The following STK24 variants were observed in gnomAD, a reference collection of about 807,000 sequenced individuals.
STK24 encodes the protein serine/threonine-protein kinase 24.
Under a neutral mutation model 55.6 loss-of-function variants are expected in STK24, and 21 were observed. That is an observed-to-expected ratio of 0.38 (90% CI 0.27 to 0.54). STK24 has a LOEUF of 0.54. STK24 is among the 20% of genes least tolerant of loss of function. The pLI is 0.79. For synonymous variants in STK24, 200 were observed against 215.2 expected, an observed-to-expected ratio of 0.93 and a Z score of 0.62; for missense variants, 383 against 538.4, an observed-to-expected ratio of 0.71 and a Z score of 2.86.
intron 1 of STK24, among the ~76,000 whole-genome samples, chr13:98,556,898 T>C (rs571005896): frequency 1.9e-4 from 29 of 152,246 alleles, no homozygotes; most frequent in African/African-American, 6.3e-4. Context: ...AGACACATGA[T>C]TTGTCTAATA....
intron 1 of STK24, among the ~76,000 whole-genome samples, chr13:98,539,237 G>A (rs1451089743): frequency 6.6e-6 from 1 of 152,130 alleles, no homozygotes; most frequent in Non-Finnish European, 1.5e-5. Flanking sequence ...ATACTATAAT[G>A]CAACTCTTTT....
At chr13:98,501,944 C>T (rs1184844799) in intron 2 of STK24, among the ~76,000 whole-genome samples, 2 of 152,128 alleles carry the variant, frequency 1.3e-5, no homozygotes, top group African/African-American at 4.8e-5. Flanking sequence ...GTGCTGCTGC[C>T]GGAGGTTCTT....
chr13:98,512,380 C>G (rs113937242), intron 2 of STK24, among the ~76,000 whole-genome samples: 2,792 of 152,024 alleles, frequency 0.018, 107 homozygotes, highest in African/African-American at 0.063. Context: ...ATAAATAGAA[C>G]AGAGAGAAAG....
rs1896178297 is a variant in STK24 at position 98,519,314 on chromosome 13, G to C, written c.202C>G (p.Gln68Glu). The change falls in exon 2 of 11, where the codon CAA (glutamine) becomes GAA (glutamate). Residue 68 changes from glutamine (Q) to glutamate (E), a missense_variant. Coordinates refer to ENST00000539966, the MANE Select transcript of STK24 (RefSeq NM_001032296.4). ...EEAEDEIEDI[Q>E]QEITVLSQCD... ...TGACTCAGCACTGTGATTTCTTGTT[G>C]AATGTCCTCTATCTCATCTTCAGCT... is the stretch of plus-strand genomic sequence containing the variant. 6 of 1,614,060 alleles carry C rather than the reference G, an allele frequency of 3.7e-6. No individual in the cohort carries two copies. The highest frequency in any genetic ancestry group is 5.1e-6 in the Non-Finnish European group (6 of 1,180,040).
At chr13:98,550,378 A>C (rs1897130464) in intron 1 of STK24, among the ~76,000 whole-genome samples, 1 of 152,270 alleles carries the variant, frequency 6.6e-6, no homozygotes, top group East Asian at 1.9e-4. Context: ...GTCCCTACAA[A>C]AAATAGTTGG....
intron 2 of STK24, among the ~76,000 whole-genome samples, chr13:98,507,257 C>T (rs373763871): frequency 6.6e-6 from 1 of 152,314 alleles, no homozygotes; most frequent in Non-Finnish European, 1.5e-5. Flanking sequence ...AGAGGACAAC[C>T]GTCAGGTGCA....
At chr13:98,539,753 A>G (rs538877286) in intron 1 of STK24, among the ~76,000 whole-genome samples, 13 of 152,234 alleles carry the variant, frequency 8.5e-5, no homozygotes, top group Non-Finnish European at 1.8e-4. Context: ...TGACGTGGCC[A>G]CTTCAGAAAG....
chr13:98,494,721 G>C (rs535596901), intron 2 of STK24, among the ~76,000 whole-genome samples: 1 of 152,196 alleles, frequency 6.6e-6, no homozygotes, highest in South Asian at 2.1e-4. Flanking sequence ...ATTCCAGAAG[G>C]AACTGTCAGT....
chr13:98,491,769 A>G (rs908334819), intron 2 of STK24, among the ~76,000 whole-genome samples: 14 of 152,178 alleles, frequency 9.2e-5, no homozygotes, highest in African/African-American at 3.4e-4. Flanking sequence ...AGATACATGC[A>G]TAAATAATCA....
At chr13:98,532,189 A>G (rs946766288) in intron 1 of STK24, among the ~76,000 whole-genome samples, 1 of 150,330 alleles carries the variant, frequency 6.7e-6, no homozygotes, top group Non-Finnish European at 1.5e-5. Flanking sequence ...TGCCTGGAAA[A>G]CTCTTTTTAT....
intron 2 of STK24, among the ~76,000 whole-genome samples, chr13:98,503,892 T>C (rs1462844304): frequency 2.0e-5 from 3 of 152,184 alleles, no homozygotes; most frequent in East Asian, 1.9e-4. Flanking sequence ...CCAGAACCAC[T>C]GCAGCTGCCC....
At chr13:98,565,136 T>C (rs1897531936) in intron 1 of STK24, among the ~76,000 whole-genome samples, 1 of 152,154 alleles carries the variant, frequency 6.6e-6, no homozygotes, top group African/African-American at 2.4e-5. Context: ...TGGGGAGCAA[T>C]GAGGATTCAG....
intron 2 of STK24, among the ~76,000 whole-genome samples, chr13:98,503,495 T>TA (rs1017783439): frequency 1.8e-4 from 28 of 152,328 alleles, no homozygotes; most frequent in South Asian, 4.1e-4. Flanking sequence ...TGCCTCACAT[T>TA]AAAGTGGCTG....
intron 7 of STK24, among the ~76,000 whole-genome samples, chr13:98,462,913 T>A (rs911051455): frequency 2.6e-5 from 4 of 152,118 alleles, no homozygotes; most frequent in African/African-American, 9.7e-5. Flanking sequence ...AGTCTCTTTC[T>A]CTTGTCATCC....
rs1893263098 is a variant in STK24, at chr13:98,452,888, C to A, written c.*285G>T. 1 of 337,092 alleles carries A rather than the reference C, an allele frequency of 3.0e-6. No homozygotes were observed. Among genetic ancestry groups the A allele is most frequent in the South Asian group, 8.6e-5 (1 of 11,672 alleles). 20.9% of individuals were successfully genotyped at this position (337,092 alleles called of 1,614,324 possible). A position where few individuals can be genotyped will look rare whatever the true frequency, so the allele number is the denominator to read the frequency against. ...GGGTTTGTTTTTGTTTTTAAAGACA[C>A]TTTCCTGGAATATGTGCACTATGGT... On this transcript the variant is annotated 3_prime_UTR_variant, in exon 11 of 11. Coordinates refer to ENST00000539966, the MANE Select transcript of STK24 (RefSeq NM_001032296.4).
chr13:98,531,490 C>T (rs990080770), intron 1 of STK24, among the ~76,000 whole-genome samples: 13 of 152,178 alleles, frequency 8.5e-5, no homozygotes, highest in African/African-American at 3.1e-4. Context: ...GGCATTTCCA[C>T]TATCAGGACA....
chr13:98,520,888 C>T (rs1896238105), intron 1 of STK24, among the ~76,000 whole-genome samples: 1 of 152,264 alleles, frequency 6.6e-6, no homozygotes, highest in South Asian at 2.1e-4. Flanking sequence ...GGGCGCAGAG[C>T]CCCTGCCCCA....
chr13:98,536,702 C>T (rs1047817370), intron 1 of STK24, among the ~76,000 whole-genome samples: 35 of 152,110 alleles, frequency 2.3e-4, no homozygotes, highest in Non-Finnish European at 4.0e-4. Context: ...TGATAAAAGC[C>T]GGCCTCCTAG....
At position 98,448,731 on chromosome 13, in the gene STK24, T is replaced by G. The variant is rs1418000861; in HGVS notation, c.*4442A>C. On this transcript the variant is annotated 3_prime_UTR_variant, in exon 11 of 11. Coordinates refer to ENST00000539966, the MANE Select transcript of STK24 (RefSeq NM_001032296.4). ...GGCTGCTGCATTTTACGAAGTGGACTTCCCGGTGTTTGTTTGTTTGTTTGC... is the reference window on the plus strand; with the variant it reads ...GGCTGCTGCATTTTACGAAGTGGACGTCCCGGTGTTTGTTTGTTTGTTTGC... 3 of 117,886 alleles carry G rather than the reference T, an allele frequency of 2.5e-5. No homozygotes were observed. Among genetic ancestry groups the G allele is most frequent in the Non-Finnish European group, 3.7e-5 (2 of 53,396 alleles). The allele number at this position is 117,886 out of a possible 1,614,324, so 7.3% of individuals were successfully genotyped here.
Sources: gnomAD v4.1 joint callset for allele counts (sites outside exome capture counted in the v4.1 genomes callset) on GRCh38, gnomAD v4.1.1 for gene constraint, MANE v1.5 for transcripts, NCBI Gene and HGNC (gene_info 2026-07-23, HGNC 2026-07-21) for gene names.